The following CTNNA2 variants were observed in gnomAD, a reference collection of about 807,000 sequenced individuals.
CTNNA2 encodes the protein catenin alpha 2, also known as catenin alpha-2.
A neutral mutation model predicts 101.0 loss-of-function variants in CTNNA2; 42 were observed. The ratio of observed to expected loss-of-function variants is 0.42; its 90% CI spans 0.32 to 0.54. The LOEUF is 0.54. Among genes scored for constraint, CTNNA2 ranks in the 20% least tolerant of loss-of-function variants. The probability of loss-of-function intolerance (pLI) is 0.14; values close to 1 mark genes in which losing one functional copy is unlikely to be tolerated. For missense variants in CTNNA2, 871 were observed against 1,223.1 expected (o/e 0.71, Z 4.29); for synonymous variants, 450 against 456.4 (o/e 0.99, Z 0.18).
intron 2 of CTNNA2, among the ~76,000 whole-genome samples, chr2:79,709,407 G>A (rs1192507031): frequency 1.3e-5 from 2 of 152,082 alleles, no homozygotes. Flanking sequence ...CAGGGACTCA[G>A]GTCAATGGGA....
chr2:80,458,458 G>C (rs1224890219), intron 9 of CTNNA2, among the ~76,000 whole-genome samples: 1 of 152,072 alleles, frequency 6.6e-6, no homozygotes, highest in South Asian at 2.1e-4. Context: ...AACAAATTAA[G>C]ATTCCCTAAA....
chr2:79,590,916 C>T (rs1324208409), intron 1 of CTNNA2, among the ~76,000 whole-genome samples: 3 of 152,158 alleles, frequency 2.0e-5, no homozygotes, highest in Non-Finnish European at 2.9e-5. Flanking sequence ...ACAGCCCTTC[C>T]TGAATAATCA....
chr2:79,630,649 A>G (rs1679628212), intron 1 of CTNNA2, among the ~76,000 whole-genome samples: 1 of 152,232 alleles, frequency 6.6e-6, no homozygotes, highest in Non-Finnish European at 1.5e-5. Flanking sequence ...GTATTTAAAA[A>G]TTATCTTCCA....
chr2:80,316,163 A>G (rs989297860), intron 7 of CTNNA2, among the ~76,000 whole-genome samples: 1 of 152,194 alleles, frequency 6.6e-6, no homozygotes, highest in Non-Finnish European at 1.5e-5. Context: ...ACAGGTTTAT[A>G]CAGTAAAACA....
intron 7 of CTNNA2, among the ~76,000 whole-genome samples, chr2:79,940,994 G>T (rs1405968463): frequency 2.0e-5 from 3 of 152,122 alleles, no homozygotes; most frequent in Admixed American, 2.0e-4. Context: ...CCAAAAGAGT[G>T]ATCTTTATAG....
intron 4 of CTNNA2, among the ~76,000 whole-genome samples, chr2:79,470,965 T>G (rs1324211592): frequency 1.3e-5 from 2 of 152,222 alleles, no homozygotes; most frequent in East Asian, 3.9e-4. Context: ...TGCCTGAGTT[T>G]GCATTTATAT....
chr2:79,460,438 C>G (rs1346627994), intron 4 of CTNNA2, among the ~76,000 whole-genome samples: 2 of 152,172 alleles, frequency 1.3e-5, no homozygotes, highest in African/African-American at 4.8e-5. Context: ...TTATTCTAAG[C>G]TCTTTTTATA....
chr2:80,061,953 G>C (rs1161341946), intron 7 of CTNNA2, among the ~76,000 whole-genome samples: 1 of 152,224 alleles, frequency 6.6e-6, no homozygotes, highest in Non-Finnish European at 1.5e-5. Flanking sequence ...GTAGAAAGAA[G>C]CCTTGAAATC....
At chr2:80,311,843 G>GT (rs1677620623) in intron 7 of CTNNA2, among the ~76,000 whole-genome samples, 1 of 152,188 alleles carries the variant, frequency 6.6e-6, no homozygotes, top group Admixed American at 6.5e-5. Flanking sequence ...AACCAGAACA[G>GT]TTTTGAAAAC....
At position 80,440,258 on chromosome 2, in the gene CTNNA2, G is replaced by A. The variant is rs183617606; in HGVS notation, c.1290+20657G>A. 1.2e-3 allele frequency among the ~76,000 whole-genome samples: 187 copies of A among 152,206 alleles called. 1 individual carries two copies. The East Asian group carries it at 0.022, about 18-fold the overall frequency. The stretch of plus-strand genomic sequence containing the variant: ...CAAAAGACCTGCAAGTATTTGCTCA[G>A]AAATCTTAACAACCATGGGGTGATT... On this transcript the variant is annotated intron_variant, in intron 9 of 18. Transcript: ENST00000402739.
chr2:80,043,169 CCTTCCTTCCTTCCTTTCTTT>C (rs1421448414), intron 7 of CTNNA2, among the ~76,000 whole-genome samples: 11 of 86,948 alleles, frequency 1.3e-4, no homozygotes, highest in African/African-American at 6.4e-4. Context: ...TTCCTTCCTT[CCTTCCTTCCTTCCTTTCTTT>C]CTTTCTTTCT....
At chr2:79,799,071 A>G (rs1675949133) in intron 3 of CTNNA2, among the ~76,000 whole-genome samples, 1 of 152,188 alleles carries the variant, frequency 6.6e-6, no homozygotes, top group South Asian at 2.1e-4. Flanking sequence ...TTTGCAATCC[A>G]GGACCCAAGG....
At position 80,110,084 on chromosome 2, in the gene CTNNA2, G is replaced by A. The variant is rs372331513; in HGVS notation, c.1056+200287G>A. Among the ~76,000 whole-genome samples, 15 of 152,304 alleles carry A rather than the reference G, an allele frequency of 9.8e-5. 1 individual carries two copies. Among genetic ancestry groups the A allele is most frequent in the Middle Eastern group, 6.8e-3 (2 of 294 alleles). ...CACTACATCATTCCAGCATACAATAGGAGAGTGCCTTGAAGAAGGGGTACT... is the reference window on the plus strand; with the variant it reads ...CACTACATCATTCCAGCATACAATAAGAGAGTGCCTTGAAGAAGGGGTACT... On this transcript the variant is annotated intron_variant, in intron 7 of 18. Transcript: ENST00000402739.
chr2:80,332,784 A>G (rs1256651897), intron 7 of CTNNA2, among the ~76,000 whole-genome samples: 2 of 152,124 alleles, frequency 1.3e-5, no homozygotes, highest in Non-Finnish European at 2.9e-5. Flanking sequence ...GGAAAAATGT[A>G]TGATAAGAGG....
At chr2:80,209,452 A>C (rs191826552) in intron 7 of CTNNA2, among the ~76,000 whole-genome samples, 125 of 152,232 alleles carry the variant, frequency 8.2e-4, no homozygotes, top group Non-Finnish European at 1.5e-3. Flanking sequence ...CGGCCTCCCA[A>C]AGTGCTGAGA....
At chr2:79,839,353 G>C (rs1423894904) in intron 3 of CTNNA2, among the ~76,000 whole-genome samples, 1 of 151,764 alleles carries the variant, frequency 6.6e-6, no homozygotes, top group African/African-American at 2.4e-5. Context: ...CTTGTCTTTG[G>C]CCTTTGAATT....
At chr2:79,697,452 G>A (rs1684719644) in intron 2 of CTNNA2, among the ~76,000 whole-genome samples, 1 of 152,018 alleles carries the variant, frequency 6.6e-6, no homozygotes, top group African/African-American at 2.4e-5. Context: ...TAGTTTCCTG[G>A]ATATCAAGCA....
chr2:79,977,222 G>GCGCACACACACACACACACACACA (rs142876512), intron 7 of CTNNA2, among the ~76,000 whole-genome samples: 1 of 144,740 alleles, frequency 6.9e-6, no homozygotes, highest in African/African-American at 2.6e-5. Flanking sequence ...GCATATGCAT[G>GCGCACACACACACACACACACACA]CACACACACA....
At chr2:79,845,081 GTATA>G (rs149787594) in intron 3 of CTNNA2, among the ~76,000 whole-genome samples, 2 of 145,124 alleles carry the variant, frequency 1.4e-5, no homozygotes, top group Non-Finnish European at 3.0e-5. Flanking sequence ...ATATATATGT[GTATA>G]TATATATATA....
Sources: gnomAD v4.1 joint callset for allele counts (sites outside exome capture counted in the v4.1 genomes callset) on GRCh38, gnomAD v4.1.1 for gene constraint, MANE v1.5 for transcripts, NCBI Gene and HGNC (gene_info 2026-07-23, HGNC 2026-07-21) for gene names.